MBD5: variants seen among roughly 807,000 people sequenced by gnomAD.
MBD5 encodes methyl-CpG-binding domain protein 5.
MBD5 carries 13 observed loss-of-function variants against 117.3 expected under a neutral mutation model. The ratio of observed to expected loss-of-function variants is 0.11; its 90% CI spans 0.07 to 0.18. The LOEUF (loss-of-function observed/expected upper bound fraction) is 0.18. Among genes scored for constraint, MBD5 ranks in the 10% least tolerant of loss-of-function variants. The probability of loss-of-function intolerance (pLI) is 1.00; values close to 1 mark genes in which losing one functional copy is unlikely to be tolerated. For missense variants in MBD5, 1,879 were observed against 2,093.8 expected, an observed-to-expected ratio of 0.90 and a Z score of 2.00; for synonymous variants, 727 against 766.4, an observed-to-expected ratio of 0.95 and a Z score of 0.85.
intron 4 of MBD5, among the ~76,000 whole-genome samples, chr2:148,427,844 A>G (rs1374198992): frequency 2.0e-5 from 3 of 151,648 alleles, no homozygotes; most frequent in African/African-American, 7.3e-5. Context: ...AAAAATGTCC[A>G]CAAAAAAAAA....
At chr2:148,038,741 G>C (rs573061350) in intron 1 of MBD5, among the ~76,000 whole-genome samples, 12 of 151,894 alleles carry the variant, frequency 7.9e-5, no homozygotes, top group African/African-American at 2.2e-4. Context: ...ATAAAGATTT[G>C]TAAGGAAGTT....
chr2:148,474,335 A>G (rs1412935602), intron 8 of MBD5, among the ~76,000 whole-genome samples: 4 of 152,166 alleles, frequency 2.6e-5, no homozygotes, highest in African/African-American at 9.6e-5. Context: ...CCCTGTTAGT[A>G]TCCACACAAT....
intron 3 of MBD5, among the ~76,000 whole-genome samples, chr2:148,275,024 C>T (rs1266276752): frequency 6.6e-6 from 1 of 152,094 alleles, no homozygotes; most frequent in Non-Finnish European, 1.5e-5. Flanking sequence ...AGCCACTGTG[C>T]CTGGCGTCTT....
chr2:148,191,871 A>G (rs1698839144), intron 2 of MBD5, among the ~76,000 whole-genome samples: 1 of 113,346 alleles, frequency 8.8e-6, no homozygotes, highest in Non-Finnish European at 1.8e-5. Flanking sequence ...CAAGACTAAT[A>G]AAGAAAAAAA....
Position 148,105,165 on chromosome 2 carries a change from A to G in MBD5, c.-924-73535A>G, listed in dbSNP as rs149129791. Among the ~76,000 whole-genome samples the G allele has an allele frequency of 1.6e-3, 245 of 150,930 alleles. 1 individual carries two copies. Among genetic ancestry groups the G allele is most frequent in the African/African-American group, 5.5e-3 (225 of 41,234 alleles). On this transcript the variant is annotated intron_variant, in intron 1 of 13. Coordinates refer to ENST00000642680, the MANE Select transcript of MBD5 (RefSeq NM_001378120.1). ...GAATTTCTTTTAATATTTTCTTATT[A>G]TCTGTTTAATGTCTGCAGCATCTAT...
intron 3 of MBD5, among the ~76,000 whole-genome samples, chr2:148,239,471 CTTATAG>C (rs1475616718): frequency 6.6e-6 from 1 of 152,018 alleles, no homozygotes; most frequent in African/African-American, 2.4e-5. Flanking sequence ...TATAATCATA[CTTATAG>C]TTATATTTTG....
At chr2:148,075,722 T>C (rs1695492812) in intron 1 of MBD5, among the ~76,000 whole-genome samples, 1 of 152,082 alleles carries the variant, frequency 6.6e-6, no homozygotes, top group Non-Finnish European at 1.5e-5. Context: ...TCTTAAGTGT[T>C]TCTGAATCTA....
chr2:148,130,201 A>G (rs549930550), intron 1 of MBD5, among the ~76,000 whole-genome samples: 4 of 152,348 alleles, frequency 2.6e-5, no homozygotes, highest in African/African-American at 7.2e-5. Context: ...AAGAAATGTT[A>G]ATACAAATTT....
At chr2:148,163,657 T>C (rs1698061645) in intron 1 of MBD5, among the ~76,000 whole-genome samples, 1 of 152,138 alleles carries the variant, frequency 6.6e-6, no homozygotes, top group East Asian at 1.9e-4. Context: ...TCAGGTGATC[T>C]GTCTGCCTCA....
At chr2:148,471,246 TA>T (rs1183216593) in intron 8 of MBD5, 1 of 152,118 alleles carries the variant, frequency 6.6e-6, no homozygotes, top group African/African-American at 2.4e-5. Context: ...GAAACAAATT[TA>T]TTTAAAAGTA....
chr2:148,397,899 A>G (rs1487603886), intron 4 of MBD5, among the ~76,000 whole-genome samples: 1 of 150,806 alleles, frequency 6.6e-6, no homozygotes, highest in East Asian at 2.0e-4. Flanking sequence ...GAGAACATGC[A>G]GTGTTTGGTT....
At chr2:148,499,069 G>C (rs1315638441) in intron 11 of MBD5, among the ~76,000 whole-genome samples, 1 of 152,156 alleles carries the variant, frequency 6.6e-6, no homozygotes, top group Non-Finnish European at 1.5e-5. Context: ...ACGGCAAGCA[G>C]ATCGCTTGAG....
rs73007133 is a variant in MBD5, at chr2:148,073,110, A to G, written c.-925+51426A>G. Among the ~76,000 whole-genome samples, 899 of 152,234 alleles carry G rather than the reference A, an allele frequency of 5.9e-3. 9 individuals are homozygous for G. The highest frequency in any genetic ancestry group is 0.021 in the African/African-American group (864 of 41,534). ...AGGTTTTTTTGTACTGATTTAATCTAAATAACTTGCACTTCTTAGAAGTGT... is the reference window on the plus strand; with the variant it reads ...AGGTTTTTTTGTACTGATTTAATCTGAATAACTTGCACTTCTTAGAAGTGT... On this transcript the variant is annotated intron_variant, in intron 1 of 13. Transcript: ENST00000642680.
At chr2:148,292,510 C>T (rs974381496) in intron 3 of MBD5, among the ~76,000 whole-genome samples, 1 of 152,130 alleles carries the variant, frequency 6.6e-6, no homozygotes, top group African/African-American at 2.4e-5. Context: ...ATCGAGACTA[C>T]AATGAGATAT....
intron 4 of MBD5, among the ~76,000 whole-genome samples, chr2:148,386,643 C>T (rs1704375229): frequency 7.1e-6 from 1 of 141,204 alleles, no homozygotes; most frequent in Non-Finnish European, 1.5e-5. Context: ...GGCGTGAACC[C>T]GGGAGGCGGA....
chr2:148,195,918 A>G (rs1416822325), intron 2 of MBD5, among the ~76,000 whole-genome samples: 2 of 152,198 alleles, frequency 1.3e-5, no homozygotes, highest in Non-Finnish European at 2.9e-5. Context: ...AATTTTAAAA[A>G]TAAAAGCAAA....
intron 4 of MBD5, among the ~76,000 whole-genome samples, chr2:148,385,008 C>A (rs1704301734): frequency 6.6e-6 from 1 of 152,204 alleles, no homozygotes; most frequent in Admixed American, 6.5e-5. Context: ...CCATCAAAAA[C>A]CCTAGAAGAA....
intron 1 of MBD5, among the ~76,000 whole-genome samples, chr2:148,060,530 C>T (rs927452672): frequency 6.6e-6 from 1 of 152,146 alleles, no homozygotes; most frequent in African/African-American, 2.4e-5. Flanking sequence ...TTAACTGAGG[C>T]ATGGACTGTT....
intron 4 of MBD5, among the ~76,000 whole-genome samples, chr2:148,345,622 TACAC>T: frequency 9.1e-6 from 1 of 109,388 alleles, no homozygotes; most frequent in Non-Finnish European, 2.2e-5. Context: ...TATACACGTA[TACAC>T]ATACATATGT....
Sources: allele counts gnomAD v4.1 joint callset (sites outside exome capture counted in the v4.1 genomes callset), GRCh38; gene constraint gnomAD v4.1.1; transcripts MANE v1.5; gene names NCBI Gene and HGNC (gene_info 2026-07-23, HGNC 2026-07-21).